VPS50: variants seen among roughly 807,000 people sequenced by gnomAD.
VPS50 encodes the protein syndetin.
Under a neutral mutation model 139.7 loss-of-function variants are expected in VPS50, and 70 were observed. The observed-to-expected ratio is 0.50, with a 90% CI of 0.41 to 0.61. The LOEUF is 0.61. Among genes scored for constraint, VPS50 ranks in the 20% least tolerant of loss-of-function variants. VPS50 has a pLI of 0.00. For missense variants in VPS50, 921 were observed against 1,133.7 expected (o/e 0.81, Z 2.69); for synonymous variants, 365 against 376.7 (o/e 0.97, Z 0.36).
chr7:93,316,772 G>A (rs1797440820), intron 20 of VPS50, among the ~76,000 whole-genome samples: 1 of 152,138 alleles, frequency 6.6e-6, no homozygotes, highest in South Asian at 2.1e-4. Flanking sequence ...GAGGTCAGGA[G>A]AAAAAACATG....
chr7:93,281,976 G>T (rs1053473444), intron 12 of VPS50, among the ~76,000 whole-genome samples: 7 of 152,002 alleles, frequency 4.6e-5, no homozygotes, highest in African/African-American at 1.7e-4. Context: ...AGGCTGAGGC[G>T]GGTGGATCAC....
In VPS50 at chr7:93,353,756, A is replaced by T; in HGVS notation, c.2580A>T (p.Val860=). Reference sequence around the variant, plus strand: ...TACGATTGGCTAATCGAACTATTGTAGAAGGGTAAGTTTTTCATGAAAGCA... The same window carrying T: ...TACGATTGGCTAATCGAACTATTGTTGAAGGGTAAGTTTTTCATGAAAGCA... The part of the protein sequence containing the change: ...HCIRLANRTI[V]EGYANVKKCS... Residue 860 remains valine, a synonymous_variant, in exon 26 of 28, where the codon GTA becomes GTT. Coordinates refer to ENST00000305866, the MANE Select transcript of VPS50 (RefSeq NM_017667.4). 1 of 1,602,278 alleles carries T rather than the reference A, an allele frequency of 6.2e-7. No homozygotes were observed. The highest frequency in any genetic ancestry group is 8.5e-7 in the Non-Finnish European group (1 of 1,174,654).
At chr7:93,287,127 C>CTTGT (rs1190564357) in intron 12 of VPS50, among the ~76,000 whole-genome samples, 2 of 151,070 alleles carry the variant, frequency 1.3e-5, no homozygotes, top group Non-Finnish European at 1.5e-5. Flanking sequence ...CAAGAATCAT[C>CTTGT]TTGTTTGCTG....
intron 6 of VPS50, chr7:93,257,913 T>C (rs1024987474): frequency 3.0e-6 from 1 of 333,090 alleles, no homozygotes; most frequent in African/African-American, 2.1e-5. Flanking sequence ...TAAGCGCTTA[T>C]TCTCAGTTTC....
chr7:93,312,979 T>A (rs1011459199), intron 20 of VPS50, among the ~76,000 whole-genome samples: 1 of 152,230 alleles, frequency 6.6e-6, no homozygotes, highest in Non-Finnish European at 1.5e-5. Context: ...CAACTGTTGG[T>A]GCATCAAGAC....
At chr7:93,248,660 T>C (rs1361663129) in intron 2 of VPS50, among the ~76,000 whole-genome samples, 1 of 152,162 alleles carries the variant, frequency 6.6e-6, no homozygotes, top group Admixed American at 6.6e-5. Flanking sequence ...TCAGTGATTA[T>C]CTATGGTGTG....
At chr7:93,245,047 A>G (rs1795107752) in intron 2 of VPS50, among the ~76,000 whole-genome samples, 1 of 151,854 alleles carries the variant, frequency 6.6e-6, no homozygotes. Flanking sequence ...ACTGTTCCTA[A>G]CTCAACCTGA....
At chr7:93,252,305 A>T (rs903003529) in intron 2 of VPS50, among the ~76,000 whole-genome samples, 94 of 152,312 alleles carry the variant, frequency 6.2e-4, no homozygotes, top group African/African-American at 2.1e-3. Flanking sequence ...TTAGAATATT[A>T]TTAAATAGTA....
Position 93,358,587 on chromosome 7 carries a change from G to A in VPS50, c.*151G>A. On this transcript the variant is annotated 3_prime_UTR_variant, in exon 28 of 28. Coordinates refer to ENST00000305866, the MANE Select transcript of VPS50 (RefSeq NM_017667.4). ...GAAAGTGGAAAATATTGAAATGTGT[G>A]TGGTGTTCTCATGACTTTTATATGC... is the stretch of plus-strand genomic sequence containing the variant. 3 of 655,950 alleles carry A rather than the reference G, an allele frequency of 4.6e-6. No individual in the cohort carries two copies. Among genetic ancestry groups the A allele is most frequent in the Admixed American group, 2.4e-5 (1 of 41,128 alleles). 40.6% of individuals were successfully genotyped at this position (655,950 alleles called of 1,614,324 possible).
At chr7:93,309,990 T>C (rs1797220411) in intron 19 of VPS50, among the ~76,000 whole-genome samples, 3 of 152,036 alleles carry the variant, frequency 2.0e-5, no homozygotes, top group Admixed American at 6.6e-5. Flanking sequence ...GTTGTAGCTA[T>C]TTTAATTGAA....
In VPS50 at chr7:93,259,592, C is replaced by G. The variant is rs1204698407; in HGVS notation, c.619C>G (p.Gln207Glu). ...PGAIQLCLEC[Q>E]KAASTFKHYS... ...AGCTATTCAGTTGTGCCTTGAATGTCAAAAAGCTGCCAGCACTTTTAAACA... is the reference window on the plus strand; with the variant it reads ...AGCTATTCAGTTGTGCCTTGAATGTGAAAAAGCTGCCAGCACTTTTAAACA... Residue 207 changes from glutamine to glutamate, a missense_variant, in exon 9 of 28, where the codon CAA becomes GAA. Coordinates refer to ENST00000305866, the MANE Select transcript of VPS50 (RefSeq NM_017667.4). The G allele has an allele frequency of 6.9e-6, 11 of 1,602,650 alleles. No homozygotes were observed. The highest frequency in any genetic ancestry group is 9.4e-6 in the Non-Finnish European group (11 of 1,170,264).
chr7:93,297,708 C>T (rs78105318), intron 16 of VPS50, among the ~76,000 whole-genome samples: 2,301 of 152,196 alleles, frequency 0.015, 71 homozygotes, highest in African/African-American at 0.053. Context: ...TTGTATACTG[C>T]ATTGCTTTGC....
chr7:93,239,770 TTTTA>T (rs1250127019), intron 1 of VPS50, 92 bp from the exon 2 acceptor site: 1 of 692,712 alleles, frequency 1.4e-6, no homozygotes, highest in African/African-American at 1.8e-5. Flanking sequence ...AAATTTCTAT[TTTTA>T]AAGTGGTCAT....
intron 20 of VPS50, chr7:93,320,590 C>T (rs1190754820): frequency 6.9e-6 from 1 of 144,558 alleles, no homozygotes; most frequent in Admixed American, 6.9e-5. Flanking sequence ...CTCTATCTAT[C>T]TCCTGACCTC....
chr7:93,343,377 G>A (rs1334050091), intron 23 of VPS50, among the ~76,000 whole-genome samples: 17 of 152,120 alleles, frequency 1.1e-4, no homozygotes, highest in Admixed American at 3.9e-4. Context: ...TGAAAGTGAC[G>A]GGGAGAATGG....
chr7:93,345,133 A>G (rs1409442332), intron 23 of VPS50, among the ~76,000 whole-genome samples: 4 of 152,214 alleles, frequency 2.6e-5, no homozygotes, highest in African/African-American at 9.7e-5. Context: ...GCAATAATAA[A>G]TGATAAAGGG....
chr7:93,257,916 T>A (rs1198930191), intron 6 of VPS50, among the ~76,000 whole-genome samples: 1 of 152,076 alleles, frequency 6.6e-6, no homozygotes, highest in Non-Finnish European at 1.5e-5. Flanking sequence ...GCGCTTATTC[T>A]CAGTTTCTGT....
intron 1 of VPS50, among the ~76,000 whole-genome samples, chr7:93,233,097 C>A (rs1012750834): frequency 6.6e-6 from 1 of 152,164 alleles, no homozygotes; most frequent in African/African-American, 2.4e-5. Context: ...TTATTTTTGT[C>A]ATGGCAAAAT....
At chr7:93,315,156 G>GT (rs1320421766) in intron 20 of VPS50, among the ~76,000 whole-genome samples, 1 of 151,734 alleles carries the variant, frequency 6.6e-6, no homozygotes, top group African/African-American at 2.4e-5. Flanking sequence ...TATTTATACT[G>GT]TTTTTTATCT....
Sources: allele counts gnomAD v4.1 joint callset (sites outside exome capture counted in the v4.1 genomes callset), GRCh38; gene constraint gnomAD v4.1.1; transcripts MANE v1.5; gene names NCBI Gene and HGNC (gene_info 2026-07-23, HGNC 2026-07-21).